The following SYNE1 variants were observed in gnomAD, a reference collection of about 807,000 sequenced individuals.
The protein encoded by SYNE1 is spectrin repeat containing nuclear envelope protein 1.
SYNE1 carries 616 observed loss-of-function variants against 1,111.0 expected under a neutral mutation model. The observed-to-expected ratio is 0.55, with a 90% CI of 0.52 to 0.59. SYNE1 has a LOEUF of 0.59. SYNE1 is among the 20% of genes least tolerant of loss of function. The pLI, the probability that SYNE1 is intolerant of heterozygous loss-of-function variation, is 0.00. For synonymous variants in SYNE1, 3,855 were observed against 3,825.8 expected, an observed-to-expected ratio of 1.01 and a Z score of -0.28; for missense variants, 10,006 against 10,417.0, an observed-to-expected ratio of 0.96 and a Z score of 1.72.
intron 4 of SYNE1, among the ~76,000 whole-genome samples, chr6:152,527,470 G>A (rs1448824215): frequency 6.6e-6 from 1 of 152,058 alleles, no homozygotes; most frequent in African/African-American, 2.4e-5. Flanking sequence ...ATGTAATAGT[G>A]ACTTTATATT....
intron 56 of SYNE1, among the ~76,000 whole-genome samples, chr6:152,380,126 A>G (rs2097377017): frequency 6.6e-6 from 1 of 152,214 alleles, no homozygotes; most frequent in Non-Finnish European, 1.5e-5. Context: ...AAGAGGTAGA[A>G]AGCTTTATTT....
At position 152,369,585 on chromosome 6, in the gene SYNE1, T is replaced by G. The variant is rs1563438066; in HGVS notation, c.9537A>C (p.Glu3179Asp). ...AGTCCTGGATAGGCTCAGCACTTAC[T>G]TCAAAGTCCTTCATTTGGATCTTTA... Reference protein sequence around the residue: ...ENLKIQMKDFEVSAEPIQDWL... With the variant: ...ENLKIQMKDFDVSAEPIQDWL... Residue 3179 changes from glutamate to aspartate, a missense_variant, in exon 60 of 146, where the codon GAA (glutamate) becomes GAC (aspartate). Coordinates refer to ENST00000367255, the MANE Select transcript of SYNE1 (RefSeq NM_182961.4). 2 of 1,614,176 alleles carry G rather than the reference T, an allele frequency of 1.2e-6. No individual in the cohort carries two copies. The highest frequency in any genetic ancestry group is 1.7e-6 in the Non-Finnish European group (2 of 1,180,018).
intron 8 of SYNE1, among the ~76,000 whole-genome samples, chr6:152,506,633 C>T (rs1049163523): frequency 6.6e-6 from 1 of 151,998 alleles, no homozygotes; most frequent in Non-Finnish European, 1.5e-5. Context: ...CCTCCACCCC[C>T]CAGGCTCAAG....
intron 45 of SYNE1, among the ~76,000 whole-genome samples, chr6:152,406,650 C>T (rs2097905999): frequency 6.6e-6 from 1 of 151,948 alleles, no homozygotes; most frequent in South Asian, 2.1e-4. Context: ...GGCAGATCAC[C>T]TGAGGTCAAG....
intron 100 of SYNE1, among the ~76,000 whole-genome samples, chr6:152,262,458 G>A (rs889570323): frequency 1.3e-5 from 2 of 152,130 alleles, no homozygotes; most frequent in African/African-American, 2.4e-5. Context: ...ATTATAGCAC[G>A]ATTACAGACT....
chr6:152,409,727 A>T lies in SYNE1; in HGVS notation c.6231-18T>A. ...GACCCTGACTGTAATGATTAAAGAAAATATATTATTTGGTGTCATGTATCA... is the reference window on the plus strand; with the variant it reads ...GACCCTGACTGTAATGATTAAAGAATATATATTATTTGGTGTCATGTATCA... On this transcript the variant is annotated intron_variant, in intron 42 of 145. Coordinates refer to ENST00000367255, the MANE Select transcript of SYNE1 (RefSeq NM_182961.4). 1 of 1,612,772 alleles carries T rather than the reference A, an allele frequency of 6.2e-7. No homozygotes were observed. The highest frequency in any genetic ancestry group is 8.5e-7 in the Non-Finnish European group (1 of 1,179,798).
rs964063863 is a variant in SYNE1 at position 152,144,189 on chromosome 6, T to C, written c.24977-424A>G. The stretch of plus-strand genomic sequence containing the variant: ...TCGCTTAGTGAGCAGGGGAAGATCC[T>C]CCCTCTGATTTTTCTTCATGCACCT... On this transcript the variant is annotated intron_variant, in intron 137 of 145. Transcript: ENST00000367255. 3.5e-5 allele frequency: 10 copies of C among 283,830 alleles called. No homozygotes were observed. The South Asian group carries it at 3.7e-4, about 10-fold the overall frequency. The allele number at this position is 283,830 out of a possible 1,614,324, so 17.6% of individuals were successfully genotyped here.
At chr6:152,619,870 G>C (rs1160410272) in intron 3 of SYNE1, among the ~76,000 whole-genome samples, 2 of 152,066 alleles carry the variant, frequency 1.3e-5, no homozygotes, top group African/African-American at 2.4e-5. Context: ...CTTACTCTGA[G>C]GACTTATGTC....
intron 14 of SYNE1, chr6:152,481,426 G>T: frequency 3.5e-6 from 1 of 286,270 alleles, no homozygotes; most frequent in Non-Finnish European, 7.1e-6. Flanking sequence ...GACTTCTTTA[G>T]TATCAAATAT....
chr6:152,431,019 A>G (rs914176023), intron 34 of SYNE1, among the ~76,000 whole-genome samples: 5 of 152,158 alleles, frequency 3.3e-5, no homozygotes, highest in African/African-American at 1.2e-4. Flanking sequence ...AGGTACAGAG[A>G]ATTATGTTTA....
intron 110 of SYNE1, among the ~76,000 whole-genome samples, chr6:152,235,593 T>C (rs2083829856): frequency 6.6e-6 from 1 of 152,186 alleles, no homozygotes; most frequent in Non-Finnish European, 1.5e-5. Context: ...ACTCCTGACC[T>C]CAGGGGATCT....
At chr6:152,231,216 G>A (rs563807725) in intron 114 of SYNE1, among the ~76,000 whole-genome samples, 175 bp downstream of exon 114, 5 of 152,280 alleles carry the variant, frequency 3.3e-5, no homozygotes, top group African/African-American at 1.2e-4. Context: ...GAATGTATAA[G>A]AGAAAATCAT....
Position 152,140,145 on chromosome 6 carries a change from C to T in SYNE1, c.25263G>A (p.Trp8421Ter). 1 of 1,614,162 alleles carries T rather than the reference C, an allele frequency of 6.2e-7. No homozygotes were observed. ...TCAATGCCTGGGCCTGGAGAAGCTC[C>T]CATCGGTCAATCACACCTGGCAAGA... The part of the protein sequence containing the change: ...ETQTAGVIDR[W>*]ELLQAQALSK... Residue 8421 changes from tryptophan (W) to a stop codon, truncating the protein, a stop_gained, in exon 140 of 146, where the codon TGG becomes TGA. Transcript: ENST00000367255. LOFTEE classifies it high-confidence loss of function.
chr6:152,155,852 A>G (rs966916246), intron 132 of SYNE1, 58 bp downstream of exon 132: 71 of 1,603,482 alleles, frequency 4.4e-5, no homozygotes, highest in African/African-American at 8.0e-5. Flanking sequence ...ACTCTGGGTG[A>G]TTTTTATTTT....
At chr6:152,128,975 T>TG (rs2054496258) in intron 145 of SYNE1, 1 of 152,404 alleles carries the variant, frequency 6.6e-6, no homozygotes, top group South Asian at 2.1e-4. Context: ...AGATTATTTA[T>TG]GTTCCAGTCC....
intron 81 of SYNE1, among the ~76,000 whole-genome samples, chr6:152,324,841 T>C (rs2096012771): frequency 6.6e-6 from 1 of 152,200 alleles, no homozygotes; most frequent in Non-Finnish European, 1.5e-5. Flanking sequence ...GGGCTTGTTC[T>C]CCTTTCACAA....
chr6:152,411,038 T>C (rs1010829281), intron 42 of SYNE1, among the ~76,000 whole-genome samples: 1 of 152,214 alleles, frequency 6.6e-6, no homozygotes, highest in Non-Finnish European at 1.5e-5. Context: ...CCTACAGAAA[T>C]AGTCTACATT....
Position 152,442,081 on chromosome 6 carries a change from G to C in SYNE1, c.4002C>G (p.Arg1334=), listed in dbSNP as rs766443521. The C allele has an allele frequency of 6.2e-7, 1 of 1,614,128 alleles. No homozygotes were observed. Among genetic ancestry groups the C allele is most frequent in the South Asian group, 1.1e-5 (1 of 91,086 alleles). Residue 1334 remains arginine, a synonymous_variant, in exon 31 of 146, where the codon CGC becomes CGG. Transcript: ENST00000367255. The part of the protein sequence containing the change: ...LERSRERQER[R]IQVTLRKWER... The stretch of plus-strand genomic sequence containing the variant: ...CCTAACTTCCGGCTCCTACCTGGAT[G>C]CGGCGTTCCTGCCTCTCCCGGCTGC...
At chr6:152,131,919 C>A (rs1259677582) in intron 144 of SYNE1, among the ~76,000 whole-genome samples, 1 of 152,172 alleles carries the variant, frequency 6.6e-6, no homozygotes, top group African/African-American at 2.4e-5. Context: ...AGTCCTGATT[C>A]TTTTGAAAAC....
Sources: gnomAD v4.1 joint callset for allele counts (sites outside exome capture counted in the v4.1 genomes callset) on GRCh38, gnomAD v4.1.1 for gene constraint, MANE v1.5 for transcripts, NCBI Gene and HGNC (gene_info 2026-07-23, HGNC 2026-07-21) for gene names.